Variants in RANGAP1 observed in about 807,000 individuals in gnomAD.
RANGAP1 encodes ran GTPase-activating protein 1.
Under a neutral mutation model 63.5 loss-of-function variants are expected in RANGAP1, and 38 were observed. The observed-to-expected ratio is 0.60, with a 90% confidence interval of 0.46 to 0.78. RANGAP1 has a LOEUF of 0.78. RANGAP1 is among the 30% of genes least tolerant of loss of function. The probability of loss-of-function intolerance (pLI) is 0.00; values close to 1 mark genes in which losing one functional copy is unlikely to be tolerated. For synonymous variants in RANGAP1, 329 were observed against 310.5 expected, an observed-to-expected ratio of 1.06 and a Z score of -0.63; for missense variants, 630 against 740.3, an observed-to-expected ratio of 0.85 and a Z score of 1.73.
intron 5 of RANGAP1, among the ~76,000 whole-genome samples, chr22:41,261,981 C>G (rs1171447585): frequency 1.3e-5 from 2 of 152,142 alleles, no homozygotes; most frequent in Non-Finnish European, 2.9e-5. Context: ...TGAAGAAACT[C>G]AGGGTAAGAG....
intron 14 of RANGAP1, 115 bp from the exon 15 acceptor site, chr22:41,249,566 C>T (rs2033291086): frequency 1.3e-6 from 2 of 1,553,194 alleles, no homozygotes; most frequent in Non-Finnish European, 1.7e-6. Context: ...GCCGGAATCT[C>T]ATCGTGAAGA....
At chr22:41,295,521 A>G in the RANGAP1 span, among the ~76,000 whole-genome samples, 2 of 151,444 alleles carry the variant, frequency 1.3e-5, no homozygotes, top group African/African-American at 4.8e-5. Flanking sequence ...AAGAGTCATC[A>G]CCACTCCCTA....
At chr22:41,275,907 T>C (rs1489115674) in intron 2 of RANGAP1, among the ~76,000 whole-genome samples, 1 of 151,462 alleles carries the variant, frequency 6.6e-6, no homozygotes, top group Non-Finnish European at 1.5e-5. Context: ...GATCATGCCA[T>C]AGCACTCCAG....
At position 41,249,364 on chromosome 22, in the gene RANGAP1, C is replaced by A; in HGVS notation, c.1660G>T (p.Ala554Ser). 6.2e-7 allele frequency: 1 copy of A among 1,612,872 alleles called. No individual in the cohort carries two copies. The highest frequency in any genetic ancestry group is 8.5e-7 in the Non-Finnish European group (1 of 1,179,368). ...AACGCCAGCAGCAGGGGTGCAAGGGCCTTGGGGAAATAGTCCTGCTGCACC... is the reference window on the plus strand; with the variant it reads ...AACGCCAGCAGCAGGGGTGCAAGGGACTTGGGGAAATAGTCCTGCTGCACC... Reference protein sequence around the residue: ...HMVQQDYFPKALAPLLLAFVT... With the variant: ...HMVQQDYFPKSLAPLLLAFVT... The change falls in exon 15 of 16, where the codon GCC (alanine) becomes TCC (serine). Residue 554 changes from alanine (A) to serine (S), a missense_variant. By Grantham distance (99) the Ala-to-Ser change is moderately conservative. This residue lies in a region of RANGAP1 where 428 missense variants were observed against 465.5 expected (regional missense o/e 0.92). Transcript: ENST00000356244.
At position 41,274,857 on chromosome 22, in the gene RANGAP1, C is replaced by A. The variant is rs1241613294; in HGVS notation, c.113-130G>T. 6 of 1,169,394 alleles carry A rather than the reference C, an allele frequency of 5.1e-6. No homozygotes were observed. The East Asian group carries it at 1.4e-4, about 28-fold the overall frequency. The allele number at this position is 1,169,394 out of a possible 1,614,324, so 72.4% of individuals were successfully genotyped here. On this transcript the variant is annotated intron_variant, in intron 2 of 15. Coordinates refer to ENST00000356244, the MANE Select transcript of RANGAP1 (RefSeq NM_002883.4). The stretch of plus-strand genomic sequence containing the variant: ...CTACCATGCAATGAGCCTTGGCTTA[C>A]AGAGAATCAGACAGGCTCATGGTCC...
chr22:41,273,789 A>AAAAAAAAAAAG (rs2034977788), intron 3 of RANGAP1, among the ~76,000 whole-genome samples: 1 of 141,352 alleles, frequency 7.1e-6, no homozygotes, highest in Non-Finnish European at 1.5e-5. Flanking sequence ...AAAAAAAAAA[A>AAAAAAAAAAAG]AAAAGGCCGG....
chr22:41,284,907 T>G (rs1204800186), intron 1 of RANGAP1: 3 of 152,182 alleles, frequency 2.0e-5, no homozygotes, highest in African/African-American at 7.2e-5. Context: ...ACACCTGTAA[T>G]TCCAACATTT....
At chr22:41,288,214 C>T (rs1289643500), upstream of RANGAP1, among the ~76,000 whole-genome samples, 1 of 152,142 alleles carries the variant, frequency 6.6e-6, no homozygotes, top group Non-Finnish European at 1.5e-5. Context: ...CTACAAGGCC[C>T]ATGTCAAATG....
chr22:41,298,122 T>G, the RANGAP1 span, among the ~76,000 whole-genome samples: 1 of 151,896 alleles, frequency 6.6e-6, no homozygotes, highest in African/African-American at 2.4e-5. Flanking sequence ...CCTCCCAAAG[T>G]GCTGGGATTA....
At chr22:41,263,484 G>A (rs1466424851) in intron 5 of RANGAP1, among the ~76,000 whole-genome samples, 4 of 152,030 alleles carry the variant, frequency 2.6e-5, no homozygotes, top group Admixed American at 2.6e-4. Flanking sequence ...TCCCGGGTTC[G>A]AGCAATTCTC....
the RANGAP1 span, among the ~76,000 whole-genome samples, chr22:41,302,298 G>C: frequency 0.026 from 3,917 of 151,864 alleles, 153 homozygotes; most frequent in African/African-American, 0.088. The surrounding 1 kb of genome is among the most constrained non-coding windows in gnomAD (Gnocchi z 5.7). Context: ...GCCGCCCGAC[G>C]GGCCGCCCCT....
intron 2 of RANGAP1, among the ~76,000 whole-genome samples, chr22:41,280,150 G>A (rs2035411769): frequency 6.6e-6 from 1 of 152,152 alleles, no homozygotes; most frequent in South Asian, 2.1e-4. Flanking sequence ...TAGACCTTAT[G>A]GAGATGTTAG....
chr22:41,264,607 G>A, intron 5 of RANGAP1, 57 bp downstream of exon 5: 1 of 1,552,928 alleles, frequency 6.4e-7, no homozygotes, highest in Non-Finnish European at 8.8e-7. Flanking sequence ...GGGCACATAT[G>A]TCAGACGGAT....
chr22:41,277,235 G>A (rs1023427013), intron 2 of RANGAP1, among the ~76,000 whole-genome samples: 14 of 151,204 alleles, frequency 9.3e-5, no homozygotes, highest in Non-Finnish European at 1.5e-4. Flanking sequence ...CCGCCACTAC[G>A]CCCGGCTAAT....
the RANGAP1 span, among the ~76,000 whole-genome samples, chr22:41,294,494 C>G: frequency 2.0e-4 from 29 of 148,056 alleles, no homozygotes; most frequent in Admixed American, 1.1e-3. Flanking sequence ...AAGTGAGGAG[C>G]CTCTCTGCCT....
intron 6 of RANGAP1, among the ~76,000 whole-genome samples, chr22:41,259,294 G>A (rs1334142493): frequency 6.6e-6 from 1 of 152,150 alleles, no homozygotes; most frequent in East Asian, 1.9e-4. Context: ...GGCAATGGGG[G>A]GAGCGGGTGG....
the RANGAP1 span, among the ~76,000 whole-genome samples, chr22:41,294,633 A>G: frequency 1.5e-4 from 18 of 121,128 alleles, no homozygotes; most frequent in African/African-American, 2.2e-4. Flanking sequence ...CCGCCATCCC[A>G]TCTGGGAAGT....
intron 4 of RANGAP1, among the ~76,000 whole-genome samples, chr22:41,266,082 G>A (rs994430679): frequency 1.3e-5 from 2 of 152,012 alleles, no homozygotes; most frequent in African/African-American, 4.8e-5. Flanking sequence ...GGCGCCTGTA[G>A]TCCCAGCTAC....
chr22:41,275,014 G>A (rs1273066269), intron 2 of RANGAP1, among the ~76,000 whole-genome samples: 2 of 152,038 alleles, frequency 1.3e-5, no homozygotes, highest in Non-Finnish European at 2.9e-5. Context: ...TAGGTGGTGT[G>A]TGTGGAGCCT....
Sources: allele counts gnomAD v4.1 joint callset (sites outside exome capture counted in the v4.1 genomes callset), GRCh38; gene constraint gnomAD v4.1.1; regional missense constraint gnomAD v4.1.1; non-coding constraint Gnocchi (gnomAD v3.1); transcripts MANE v1.5; gene names NCBI Gene and HGNC (gene_info 2026-07-23, HGNC 2026-07-21).